ORC5: variants seen among roughly 807,000 people sequenced by gnomAD.
ORC5 encodes protein phosphatase 1, regulatory subunit 117.
In ORC5, 39 loss-of-function variants were observed where a neutral mutation model predicts 58.8. That is an observed-to-expected ratio of 0.66 (90% CI 0.51 to 0.87). ORC5 has a LOEUF of 0.87. Ranked by LOEUF, ORC5 falls within the 40% of genes least tolerant of loss-of-function variation. The pLI is 0.00. For synonymous variants in ORC5, 218 were observed against 177.6 expected, an observed-to-expected ratio of 1.23 and a Z score of -1.81; for missense variants, 493 against 506.3, an observed-to-expected ratio of 0.97 and a Z score of 0.25.
rs923207494 is a variant in ORC5 at position 104,187,812 on chromosome 7, T to C, written c.684+439A>G. ...GACCTGCAATGAAAGCTTCTGACCA[T>C]ACTCAAATCCATCTAGATTCTAGAC... On this transcript the variant is annotated intron_variant, in intron 6 of 13. Transcript: ENST00000297431. 4.1e-6 allele frequency: 4 copies of C among 985,970 alleles called. No homozygotes were observed. In the African/African-American group the frequency reaches 5.2e-5, roughly 13 times the overall value. The allele number at this position is 985,970 out of a possible 1,614,324, so 61.1% of individuals were successfully genotyped here.
chr7:104,187,894 T>C (rs1799583129), intron 6 of ORC5: 4 of 992,060 alleles, frequency 4.0e-6, no homozygotes, highest in Non-Finnish European at 4.8e-6. Flanking sequence ...ATTAACAGAG[T>C]TGTAAAACTG....
rs371929889 is a variant in ORC5, at chr7:104,207,453, C to T, written c.72+380G>A. Among the ~76,000 whole-genome samples, 35 of 152,320 alleles carry T rather than the reference C, an allele frequency of 2.3e-4. 1 individual carries two copies. Among genetic ancestry groups the T allele is most frequent in the African/African-American group, 8.4e-4 (35 of 41,578 alleles). On this transcript the variant is annotated intron_variant, in intron 1 of 13. Transcript: ENST00000297431. ...TCTACACTTGACTCACTCCAACTAC[C>T]GCACAGAAACGTGTGAACTTACATT...
At chr7:104,206,288 AT>A (rs1327706767) in intron 1 of ORC5, among the ~76,000 whole-genome samples, 1 of 152,208 alleles carries the variant, frequency 6.6e-6, no homozygotes, top group African/African-American at 2.4e-5. Context: ...CCAATTTTTT[AT>A]ATTTCTTTGC....
At chr7:104,203,559 C>A (rs188304208) in intron 2 of ORC5, among the ~76,000 whole-genome samples, 169 of 152,322 alleles carry the variant, frequency 1.1e-3, no homozygotes, top group South Asian at 1.5e-3. Context: ...ACATTTAATT[C>A]TCTTAATCCC....
At chr7:104,196,206 G>A (rs1480387471) in intron 4 of ORC5, among the ~76,000 whole-genome samples, 6 of 136,036 alleles carry the variant, frequency 4.4e-5, no homozygotes, top group Non-Finnish European at 8.2e-5. Flanking sequence ...GGCATAAGGA[G>A]GAAAAAACAG....
At chr7:104,177,432 C>CA (rs1410786546) in intron 8 of ORC5, among the ~76,000 whole-genome samples, 1 of 152,028 alleles carries the variant, frequency 6.6e-6, no homozygotes, top group Non-Finnish European at 1.5e-5. Context: ...TGACATGTGA[C>CA]AAAATTTCTT....
At chr7:104,175,413 G>C (rs1416424472) in intron 8 of ORC5, among the ~76,000 whole-genome samples, 1 of 152,022 alleles carries the variant, frequency 6.6e-6, no homozygotes, top group Non-Finnish European at 1.5e-5. Context: ...TGGCATTCCA[G>C]CCAAGATAGA....
At chr7:104,132,477 C>T (rs1228669856) in intron 13 of ORC5, among the ~76,000 whole-genome samples, 2 of 152,092 alleles carry the variant, frequency 1.3e-5, no homozygotes, top group Non-Finnish European at 2.9e-5. Context: ...CCTTCCTTTT[C>T]TTTGGTAACT....
rs577889268 is a variant in ORC5 at position 104,133,291 on chromosome 7, G to C, written c.1262+3490C>G. Among the ~76,000 whole-genome samples the C allele has an allele frequency of 6.6e-6, 1 of 152,268 alleles. No homozygotes were observed. The highest frequency in any genetic ancestry group is 1.9e-4 in the East Asian group (1 of 5,184). On this transcript the variant is annotated intron_variant, in intron 13 of 13. Coordinates refer to ENST00000297431, the MANE Select transcript of ORC5 (RefSeq NM_002553.4). This position sits in a 1 kb window ranked among gnomAD's most constrained non-coding sequence, Gnocchi z 4.7. ...GAAGAGATGATGGTGGCTTGATCTA[G>C]AGTGGTAAAAGTATCATGATAACAA... is the stretch of plus-strand genomic sequence containing the variant.
intron 8 of ORC5, among the ~76,000 whole-genome samples, chr7:104,170,138 T>C (rs1799184771): frequency 6.6e-6 from 1 of 152,222 alleles, no homozygotes; most frequent in South Asian, 2.1e-4. Flanking sequence ...AAATTGTTGA[T>C]CCATTTGTTT....
chr7:104,192,281 A>T (rs958200644), intron 5 of ORC5, among the ~76,000 whole-genome samples: 1 of 152,172 alleles, frequency 6.6e-6, no homozygotes, highest in African/African-American at 2.4e-5. Context: ...CAATCTGTGT[A>T]TGCATAGGGT....
At chr7:104,193,476 A>G (rs1444077756) in intron 5 of ORC5, among the ~76,000 whole-genome samples, 1 of 152,096 alleles carries the variant, frequency 6.6e-6, no homozygotes, top group Admixed American at 6.6e-5. Flanking sequence ...AGTAGTCTGC[A>G]TGAGGTAAAG....
At chr7:104,207,176 C>T (rs1194881569) in intron 1 of ORC5, among the ~76,000 whole-genome samples, 2 of 152,138 alleles carry the variant, frequency 1.3e-5, no homozygotes, top group East Asian at 1.9e-4. Context: ...TCAAAGACCA[C>T]CAGAAAATAG....
In ORC5 at chr7:104,207,972, T is replaced by G; in HGVS notation, c.-68A>C. ...GGACCCTTGCACAAGACGGAGCCTCTCCCGAGTCTGGCGGCCCACGCTCCC... is the reference window on the plus strand; with the variant it reads ...GGACCCTTGCACAAGACGGAGCCTCGCCCGAGTCTGGCGGCCCACGCTCCC... On this transcript the variant is annotated 5_prime_UTR_variant, in exon 1 of 14. Transcript: ENST00000297431. 14 of 1,445,726 alleles carry G rather than the reference T, an allele frequency of 9.7e-6. No homozygotes were observed. Among genetic ancestry groups the G allele is most frequent in the Admixed American group, 3.5e-5 (2 of 56,944 alleles). 89.6% of individuals were successfully genotyped at this position (1,445,726 alleles called of 1,614,324 possible).
At position 104,168,541 on chromosome 7, in the gene ORC5, A is replaced by G. The variant is rs1231286885; in HGVS notation, c.825-16T>C. The G allele has an allele frequency of 1.4e-6, 2 of 1,469,208 alleles. No homozygotes were observed. Among genetic ancestry groups the G allele is most frequent in the Non-Finnish European group, 1.9e-6 (2 of 1,076,652 alleles). 91.0% of individuals were successfully genotyped at this position (1,469,208 alleles called of 1,614,324 possible). A position where few individuals can be genotyped will look rare whatever the true frequency, so the allele number is the denominator to read the frequency against. ...CCACTGGGAACTGAAAAAAAATAGAAGAGCAAAAATGAATTAAAAATAAAT... is the reference window on the plus strand; with the variant it reads ...CCACTGGGAACTGAAAAAAAATAGAGGAGCAAAAATGAATTAAAAATAAAT... On this transcript the variant is annotated splice_polypyrimidine_tract_variant and intron_variant, in intron 8 of 13. Coordinates refer to ENST00000297431, the MANE Select transcript of ORC5 (RefSeq NM_002553.4).
At chr7:104,174,298 A>G (rs374314440) in intron 8 of ORC5, among the ~76,000 whole-genome samples, 29 of 152,242 alleles carry the variant, frequency 1.9e-4, no homozygotes, top group African/African-American at 7.0e-4. Flanking sequence ...GCTAATTAAA[A>G]GCCACTACGA....
chr7:104,145,042 GAC>G (rs1458177946), intron 12 of ORC5, among the ~76,000 whole-genome samples: 1 of 152,154 alleles, frequency 6.6e-6, no homozygotes, highest in Non-Finnish European at 1.5e-5. Context: ...ACAGGAAAAA[GAC>G]ACAGAACAGG....
chr7:104,197,906 C>T, intron 3 of ORC5, 107 bp from the exon 4 acceptor site: 1 of 621,960 alleles, frequency 1.6e-6, no homozygotes, highest in Non-Finnish European at 2.7e-6. Context: ...GAACTTAATC[C>T]CCAGTGTGGC....
chr7:104,142,149 T>C (rs1798684030), intron 12 of ORC5, among the ~76,000 whole-genome samples: 1 of 152,172 alleles, frequency 6.6e-6, no homozygotes, highest in Non-Finnish European at 1.5e-5. Context: ...AAGGATAGTC[T>C]CTTCAATAAA....
Sources: allele counts gnomAD v4.1 joint callset (sites outside exome capture counted in the v4.1 genomes callset), GRCh38; gene constraint gnomAD v4.1.1; non-coding constraint Gnocchi (gnomAD v3.1); transcripts MANE v1.5; gene names NCBI Gene and HGNC (gene_info 2026-07-23, HGNC 2026-07-21).